PCNX4: variants seen among roughly 807,000 people sequenced by gnomAD.
The protein encoded by PCNX4 is pecanex 4, also known as pecanex-like protein 4.
PCNX4 carries 103 observed loss-of-function variants against 107.2 expected under a neutral mutation model. That is an observed-to-expected ratio of 0.96 (90% CI 0.82 to 1.13). PCNX4 has a LOEUF of 1.13. Among genes scored for constraint, PCNX4 ranks in the 50% most tolerant of loss-of-function variants. The pLI, the probability that PCNX4 is intolerant of heterozygous loss-of-function variation, is 0.00. For missense variants in PCNX4, 1,528 were observed against 1,379.4 expected (o/e 1.11, Z -1.71); for synonymous variants, 541 against 481.7 (o/e 1.12, Z -1.61).
chr14:60,107,905 C>G lies in PCNX4; in HGVS notation c.267C>G (p.Phe89Leu), dbSNP rs189542307. 2 of 1,612,840 alleles carry G rather than the reference C, an allele frequency of 1.2e-6. No homozygotes were observed. Among genetic ancestry groups the G allele is most frequent in the East Asian group, 2.2e-5 (1 of 44,884 alleles). The change falls in exon 2 of 11, where the codon TTC becomes TTG. Residue 89 changes from phenylalanine (F) to leucine (L), a missense_variant. Transcript: ENST00000406854. ...LMLFTAFVIQ[F>L]TSLYAKNKST... ...TTTTTACTGCATTTGTCATCCAGTT[C>G]ACAAGTTTATACGCCAAAAACAAAT...
rs1161357488 is a variant in PCNX4, at chr14:60,124,220, G to A, written c.2049G>A (p.Gly683=). The A allele has an allele frequency of 8.3e-6, 13 of 1,570,226 alleles. No homozygotes were observed. The South Asian group carries it at 1.4e-4, about 17-fold the overall frequency. Residue 683 remains glycine (G), a splice_region_variant and synonymous_variant, in exon 9 of 11, where the codon GGG becomes GGA. Transcript: ENST00000406854. ...AGTACTTTTTATTTCTTCTTTAGGG[G>A]TTAGAATTGCAGGAAACATCCTGTC... The part of the protein sequence containing the change: ...GYTYCSINIK[G]LELQETSCHT...
intron 4 of PCNX4, 70 bp downstream of exon 4, chr14:60,115,531 A>G (rs901839979): frequency 3.0e-5 from 44 of 1,463,782 alleles, no homozygotes; most frequent in Non-Finnish European, 3.5e-5. Flanking sequence ...ATATTACTCA[A>G]TTCCCATATT....
intron 1 of PCNX4, among the ~76,000 whole-genome samples, chr14:60,095,479 C>T (rs983338162): frequency 5.9e-5 from 9 of 152,256 alleles, no homozygotes; most frequent in African/African-American, 1.9e-4. Flanking sequence ...AGCTTTTCAT[C>T]TTGTAGCCAT....
Position 60,139,413 on chromosome 14 carries a change from A to G in PCNX4, c.*5192A>G, listed in dbSNP as rs1595184494. The G allele has an allele frequency of 6.6e-6, 1 of 152,158 alleles. No individual in the cohort carries two copies. The highest frequency in any genetic ancestry group is 2.4e-5 in the African/African-American group (1 of 41,466). The allele number at this position is 152,158 out of a possible 1,614,324, so 9.4% of individuals were successfully genotyped here. A position where few individuals can be genotyped will look rare whatever the true frequency, so the allele number is the denominator to read the frequency against. Reference sequence around the variant, plus strand: ...AATGATAAAAGATTTGATTCACCAGAAAGTTTCAACAGGTCTAATATTTTA... The same window carrying G: ...AATGATAAAAGATTTGATTCACCAGGAAGTTTCAACAGGTCTAATATTTTA... On this transcript the variant is annotated 3_prime_UTR_variant, in exon 11 of 11. Coordinates refer to ENST00000406854, the MANE Select transcript of PCNX4 (RefSeq NM_001330177.2).
At chr14:60,097,373 A>G (rs1021515265) in intron 1 of PCNX4, among the ~76,000 whole-genome samples, 1 of 152,214 alleles carries the variant, frequency 6.6e-6, no homozygotes, top group Non-Finnish European at 1.5e-5. Flanking sequence ...CGTCCTAAAT[A>G]TAATGGAAAT....
At position 60,118,326 on chromosome 14, in the gene PCNX4, C is replaced by T. The variant is rs747288236; in HGVS notation, c.1579-3C>T. The T allele has an allele frequency of 1.3e-6, 2 of 1,578,568 alleles. No homozygotes were observed. The highest frequency in any genetic ancestry group is 2.3e-5 in the South Asian group (2 of 86,520). ...AATAAAAATAATTTTTACATTTCTACAGGTTGGTATCATACGTGATCGTTT... is the reference window on the plus strand; with the variant it reads ...AATAAAAATAATTTTTACATTTCTATAGGTTGGTATCATACGTGATCGTTT... On this transcript the variant is annotated splice_polypyrimidine_tract_variant and splice_region_variant and intron_variant, in intron 6 of 10. Transcript: ENST00000406854.
intron 7 of PCNX4, among the ~76,000 whole-genome samples, chr14:60,119,673 A>T (rs1301744946): frequency 1.3e-5 from 2 of 152,186 alleles, no homozygotes; most frequent in Non-Finnish European, 2.9e-5. Flanking sequence ...TTTATTTTTT[A>T]AAACACCTGT....
In PCNX4 at chr14:60,145,337, CAAT is replaced by C. The variant is rs781364736; in HGVS notation, c.*11117_*11119del. ...ACTGACTTGCCCTAATAAATAAAAA[CAAT>C]GAGTCAGATTATGTAGAATTGAGAT... On this transcript the variant is annotated 3_prime_UTR_variant, in exon 11 of 11. Coordinates refer to ENST00000406854, the MANE Select transcript of PCNX4 (RefSeq NM_001330177.2). The surrounding 1 kb of genome is among the most constrained non-coding windows in gnomAD (Gnocchi z 4.0). 1 of 181,780 alleles carries C rather than the reference CAAT, an allele frequency of 5.5e-6. No homozygotes were observed. The highest frequency in any genetic ancestry group is 1.1e-5 in the Non-Finnish European group (1 of 88,324). The allele number at this position is 181,780 out of a possible 1,614,324, so 11.3% of individuals were successfully genotyped here.
At chr14:60,126,701 TC>T (rs1896061627) in intron 10 of PCNX4, among the ~76,000 whole-genome samples, 1 of 152,182 alleles carries the variant, frequency 6.6e-6, no homozygotes, top group Non-Finnish European at 1.5e-5. Flanking sequence ...ACGTTTTTAA[TC>T]CTGTCCCAGC....
chr14:60,107,479 C>T (rs1050054971), intron 1 of PCNX4, 107 bp from the exon 2 acceptor site: 7 of 660,164 alleles, frequency 1.1e-5, no homozygotes, highest in Non-Finnish European at 1.8e-5. Flanking sequence ...AGTTATAAAT[C>T]CTACCCTTGA....
At chr14:60,098,037 G>C (rs1895459085) in intron 1 of PCNX4, among the ~76,000 whole-genome samples, 1 of 152,086 alleles carries the variant, frequency 6.6e-6, no homozygotes, top group Admixed American at 6.6e-5. Context: ...GTTTCACCTT[G>C]ATCAAAACCC....
rs187624760 is a variant in PCNX4, at chr14:60,139,097, A to C, written c.*4876A>C. On this transcript the variant is annotated 3_prime_UTR_variant, in exon 11 of 11. Coordinates refer to ENST00000406854, the MANE Select transcript of PCNX4 (RefSeq NM_001330177.2). ...AGAACAAATAGGACAAATAGAAATC[A>C]AACAGTAGATTAGGAGGTTTAAATA... 1.1e-3 allele frequency: 170 copies of C among 152,232 alleles called. No individual in the cohort carries two copies. Among genetic ancestry groups the C allele is most frequent in the African/African-American group, 3.8e-3 (159 of 41,574 alleles). The allele number at this position is 152,232 out of a possible 1,614,324, so 9.4% of individuals were successfully genotyped here. A position where few individuals can be genotyped will look rare whatever the true frequency, so the allele number is the denominator to read the frequency against.
intron 10 of PCNX4, 109 bp downstream of exon 10, chr14:60,125,932 T>G (rs1566519440): frequency 6.8e-6 from 5 of 732,924 alleles, no homozygotes; most frequent in Non-Finnish European, 9.8e-6. Flanking sequence ...AGCTGTGATA[T>G]ATTAATTATA....
chr14:60,105,731 A>G (rs1387113755), intron 1 of PCNX4, among the ~76,000 whole-genome samples: 1 of 152,326 alleles, frequency 6.6e-6, no homozygotes, highest in East Asian at 1.9e-4. Flanking sequence ...AAGGGAAATG[A>G]ATAGGGATAC....
At chr14:60,092,962 A>G (rs546928464) in intron 1 of PCNX4, among the ~76,000 whole-genome samples, 1 of 152,228 alleles carries the variant, frequency 6.6e-6, no homozygotes, top group South Asian at 2.1e-4. Flanking sequence ...TACTATTTTT[A>G]GGTGTTTGTT....
chr14:60,101,196 A>G (rs527843676), intron 1 of PCNX4, among the ~76,000 whole-genome samples: 1 of 152,350 alleles, frequency 6.6e-6, no homozygotes, highest in East Asian at 1.9e-4. Context: ...TTTCTAAACC[A>G]GACCAATGTG....
rs1462910414 is a variant in PCNX4, at chr14:60,135,740, CAG to C, written c.*1522_*1523del. 1 of 152,158 alleles carries C rather than the reference CAG, an allele frequency of 6.6e-6. No individual in the cohort carries two copies. Among genetic ancestry groups the C allele is most frequent in the African/African-American group, 2.4e-5 (1 of 41,410 alleles). The allele number at this position is 152,158 out of a possible 1,614,324, so 9.4% of individuals were successfully genotyped here. A position where few individuals can be genotyped will look rare whatever the true frequency, so the allele number is the denominator to read the frequency against. The stretch of plus-strand genomic sequence containing the variant: ...CTAATTTTTGTATTTTTAGTAGAGA[CAG>C]AGTTTCACCATGTTGGCCAGGCTGG... On this transcript the variant is annotated 3_prime_UTR_variant, in exon 11 of 11. Transcript: ENST00000406854.
chr14:60,104,786 T>C (rs1256429433), intron 1 of PCNX4, among the ~76,000 whole-genome samples: 1 of 152,038 alleles, frequency 6.6e-6, no homozygotes, highest in African/African-American at 2.4e-5. Context: ...TTCAATTATC[T>C]CCCACCAGGT....
chr14:60,119,447 C>T (rs1895914460), intron 7 of PCNX4, among the ~76,000 whole-genome samples: 1 of 152,148 alleles, frequency 6.6e-6, no homozygotes, highest in Non-Finnish European at 1.5e-5. Flanking sequence ...CTGACAAACT[C>T]ATTCTAGGCA....
Sources: gnomAD v4.1 joint callset for allele counts (sites outside exome capture counted in the v4.1 genomes callset) on GRCh38, gnomAD v4.1.1 for gene constraint, Gnocchi (gnomAD v3.1) non-coding constraint, MANE v1.5 for transcripts, NCBI Gene and HGNC (gene_info 2026-07-23, HGNC 2026-07-21) for gene names.